Variants in VEPH1 observed in about 807,000 individuals in gnomAD.
VEPH1 encodes ventricular zone expressed PH domain containing 1, also known as ventricular zone-expressed PH domain-containing protein homolog 1.
VEPH1 carries 80 observed loss-of-function variants against 85.2 expected under a neutral mutation model. The observed-to-expected ratio is 0.94, with a 90% CI of 0.78 to 1.13. VEPH1 has a LOEUF of 1.13. Among genes scored for constraint, VEPH1 ranks in the 50% most tolerant of loss-of-function variants. The probability of loss-of-function intolerance (pLI) is 0.00; values close to 1 mark genes in which losing one functional copy is unlikely to be tolerated. For missense variants in VEPH1, 955 were observed against 980.5 expected, an observed-to-expected ratio of 0.97 and a Z score of 0.35; for synonymous variants, 297 against 348.0, an observed-to-expected ratio of 0.85 and a Z score of 1.63.
chr3:157,422,731 C>T (rs1732440404), intron 5 of VEPH1, among the ~76,000 whole-genome samples: 2 of 152,200 alleles, frequency 1.3e-5, no homozygotes, highest in Admixed American at 6.5e-5. Context: ...TCCTCCAGCA[C>T]CTTGTTCTGT....
intron 12 of VEPH1, among the ~76,000 whole-genome samples, chr3:157,280,726 G>A (rs914327921): frequency 6.6e-6 from 1 of 152,192 alleles, no homozygotes; most frequent in African/African-American, 2.4e-5. Context: ...TTTCAGTTCA[G>A]TTAGTTGTTT....
intron 11 of VEPH1, among the ~76,000 whole-genome samples, chr3:157,311,065 T>C (rs1720054749): frequency 6.6e-6 from 1 of 152,234 alleles, no homozygotes; most frequent in Non-Finnish European, 1.5e-5. Context: ...AATTGATATG[T>C]ATTATTTAGA....
chr3:157,313,609 A>C lies in VEPH1; in HGVS notation c.2010+12T>G. ...CTTGGCCTGTAACATGGCCAAGGAA[A>C]GGAATATTTACCTTCTGCTGTGGAA... is the stretch of plus-strand genomic sequence containing the variant. On this transcript the variant is annotated intron_variant, in intron 11 of 13. Coordinates refer to ENST00000362010, the MANE Select transcript of VEPH1 (RefSeq NM_001167912.2). 6.2e-7 allele frequency: 1 copy of C among 1,613,210 alleles called. No homozygotes were observed. The highest frequency in any genetic ancestry group is 8.5e-7 in the Non-Finnish European group (1 of 1,179,372).
intron 11 of VEPH1, among the ~76,000 whole-genome samples, chr3:157,305,362 G>A (rs1440479843): frequency 6.6e-6 from 1 of 151,688 alleles, no homozygotes; most frequent in African/African-American, 2.4e-5. Context: ...CGCCCGCCTC[G>A]GCCTCCCAAA....
chr3:157,426,623 C>T (rs1732775231), intron 5 of VEPH1, among the ~76,000 whole-genome samples: 2 of 152,082 alleles, frequency 1.3e-5, no homozygotes, highest in Non-Finnish European at 2.9e-5. Flanking sequence ...AGAACAATAA[C>T]TGATTTGCTA....
At chr3:157,428,034 C>T (rs964400257) in intron 5 of VEPH1, among the ~76,000 whole-genome samples, 1 of 152,178 alleles carries the variant, frequency 6.6e-6, no homozygotes, top group African/African-American at 2.4e-5. Flanking sequence ...CAGACTGTAA[C>T]TTATGCCATC....
intron 4 of VEPH1, among the ~76,000 whole-genome samples, chr3:157,456,576 A>AT (rs1361643831): frequency 2.0e-5 from 3 of 152,164 alleles, no homozygotes; most frequent in African/African-American, 7.2e-5. Flanking sequence ...GTCCAGTTTT[A>AT]ATCTTCTGCA....
intron 2 of VEPH1, among the ~76,000 whole-genome samples, chr3:157,493,769 G>A (rs1307327377): frequency 6.6e-6 from 1 of 152,170 alleles, no homozygotes; most frequent in East Asian, 1.9e-4. Flanking sequence ...TGAATTTGAT[G>A]TCTGTGAAAC....
rs185661674 is a variant in VEPH1, at chr3:157,284,368, G to A, written c.2128+2189C>T. 3.9e-3 allele frequency among the ~76,000 whole-genome samples: 594 copies of A among 152,198 alleles called. 3 individuals are homozygous for A. The highest frequency in any genetic ancestry group is 6.3e-3 in the Non-Finnish European group (430 of 68,020). ...CCTTATTCATATTTCTATCCCAAGG[G>A]TCAGCCTGTAGAAGACACTCACCTA... On this transcript the variant is annotated intron_variant, in intron 12 of 13. Coordinates refer to ENST00000362010, the MANE Select transcript of VEPH1 (RefSeq NM_001167912.2).
At chr3:157,351,118 G>A (rs1408287050) in intron 9 of VEPH1, among the ~76,000 whole-genome samples, 4 of 151,950 alleles carry the variant, frequency 2.6e-5, no homozygotes, top group Admixed American at 2.0e-4. Context: ...GAATCAACCC[G>A]GGTCCCCCAA....
chr3:157,397,815 T>G (rs1395862925), intron 6 of VEPH1, among the ~76,000 whole-genome samples: 1 of 152,210 alleles, frequency 6.6e-6, no homozygotes, highest in Non-Finnish European at 1.5e-5. Flanking sequence ...TGTATATACC[T>G]GCATGTCTGG....
At chr3:157,274,778 G>A (rs1436485913) in intron 12 of VEPH1, among the ~76,000 whole-genome samples, 1 of 152,130 alleles carries the variant, frequency 6.6e-6, no homozygotes, top group Non-Finnish European at 1.5e-5. Context: ...GGGATTATAA[G>A]CATGAGCCAC....
At chr3:157,438,048 C>T in intron 4 of VEPH1, 1 of 721,928 alleles carries the variant, frequency 1.4e-6, no homozygotes, top group Non-Finnish European at 2.2e-6. Flanking sequence ...CACACACACA[C>T]ACACACACAC....
At chr3:157,442,786 G>A (rs770857279) in intron 4 of VEPH1, 1 of 1,614,254 alleles carries the variant, frequency 6.2e-7, no homozygotes, top group Non-Finnish European at 8.5e-7. Flanking sequence ...AATGGCTGCT[G>A]TGTGGGTGGT....
intron 6 of VEPH1, among the ~76,000 whole-genome samples, chr3:157,399,563 G>A (rs1353686409): frequency 4.6e-5 from 7 of 151,860 alleles, no homozygotes; most frequent in African/African-American, 1.5e-4. Flanking sequence ...ATTGAAGTAC[G>A]GAAGCCAGTA....
chr3:157,329,271 C>T (rs1412289097), intron 9 of VEPH1, among the ~76,000 whole-genome samples: 1 of 152,118 alleles, frequency 6.6e-6, no homozygotes, highest in East Asian at 1.9e-4. Context: ...TTGAGAGAAG[C>T]CCAAGTGATT....
At chr3:157,342,680 T>C (rs1723727020) in intron 9 of VEPH1, among the ~76,000 whole-genome samples, 1 of 152,204 alleles carries the variant, frequency 6.6e-6, no homozygotes, top group South Asian at 2.1e-4. Context: ...AGTGGACTAA[T>C]AGACATCTAC....
At chr3:157,404,780 T>C (rs950523941) in intron 6 of VEPH1, among the ~76,000 whole-genome samples, 3 of 152,178 alleles carry the variant, frequency 2.0e-5, no homozygotes, top group African/African-American at 7.2e-5. Context: ...ATGCAAATAC[T>C]GGCTGTTGGA....
chr3:157,293,027 T>C (rs1717711601), intron 11 of VEPH1, among the ~76,000 whole-genome samples: 1 of 151,530 alleles, frequency 6.6e-6, no homozygotes, highest in Admixed American at 6.6e-5. Context: ...TCATTTCATA[T>C]GACAAAACAG....
Sources: gnomAD v4.1 joint callset for allele counts (sites outside exome capture counted in the v4.1 genomes callset) on GRCh38, gnomAD v4.1.1 for gene constraint, MANE v1.5 for transcripts, NCBI Gene and HGNC (gene_info 2026-07-23, HGNC 2026-07-21) for gene names.